The following YAF2 variants were observed in gnomAD, a reference collection of about 807,000 sequenced individuals.
YAF2 encodes YY1 associated factor 2, also known as YY1-associated factor 2.
A neutral mutation model predicts 20.1 loss-of-function variants in YAF2; 7 were observed. That is an observed-to-expected ratio of 0.35 (90% confidence interval 0.20 to 0.65). YAF2 has a LOEUF of 0.65. YAF2 is among the 30% of genes least tolerant of loss of function. The pLI is 0.69. For missense variants in YAF2, 151 were observed against 219.2 expected (o/e 0.69, Z 1.96); for synonymous variants, 74 against 76.0 (o/e 0.97, Z 0.14).
chr12:42,174,357 A>G lies in YAF2; in HGVS notation c.153-12592T>C, dbSNP rs577566414. On this transcript the variant is annotated intron_variant, in intron 2 of 3. Coordinates refer to ENST00000534854, the MANE Select transcript of YAF2 (RefSeq NM_005748.6). ...TTTCCAGCAACACTTCACTGAGTTT[A>G]TCACTCCTTCCCTTCCTGAAAAACT... Among the ~76,000 whole-genome samples the G allele has an allele frequency of 4.6e-5, 7 of 152,288 alleles. No homozygotes were observed. In the East Asian group the frequency reaches 1.4e-3, roughly 29 times the overall value.
chr12:42,174,032 ATAT>A (rs1383661141), intron 2 of YAF2, among the ~76,000 whole-genome samples: 3 of 151,802 alleles, frequency 2.0e-5, no homozygotes, highest in Admixed American at 2.0e-4. Context: ...TGCTTAAACA[ATAT>A]TTCCTTCTCT....
intron 2 of YAF2, among the ~76,000 whole-genome samples, chr12:42,166,899 T>C (rs1020127592): frequency 1.9e-4 from 29 of 152,002 alleles, no homozygotes; most frequent in African/African-American, 6.8e-4. Flanking sequence ...TCTGGGAAGA[T>C]GATAAAACAC....
At chr12:42,167,478 G>T (rs2065942589) in intron 2 of YAF2, among the ~76,000 whole-genome samples, 1 of 152,006 alleles carries the variant, frequency 6.6e-6, no homozygotes, top group African/African-American at 2.4e-5. Flanking sequence ...CTCAAGGAAA[G>T]AACAAAACAT....
chr12:42,209,323 G>T (rs1345697879), intron 2 of YAF2, among the ~76,000 whole-genome samples: 1 of 151,258 alleles, frequency 6.6e-6, no homozygotes, highest in African/African-American at 2.4e-5. Flanking sequence ...CAACACTTAG[G>T]GAGGCCAAGG....
intron 2 of YAF2, chr12:42,232,768 G>A: frequency 3.0e-6 from 3 of 985,162 alleles, no homozygotes; most frequent in South Asian, 4.7e-5. Context: ...ATGATAGTTG[G>A]TTTAAGCTTC....
intron 2 of YAF2, among the ~76,000 whole-genome samples, chr12:42,197,438 A>G (rs1408653183): frequency 6.6e-6 from 1 of 152,240 alleles, no homozygotes; most frequent in Non-Finnish European, 1.5e-5. Context: ...CAAGCCAGGA[A>G]CTTTATTGCT....
At chr12:42,224,726 A>G (rs939901067) in intron 2 of YAF2, among the ~76,000 whole-genome samples, 12 of 152,192 alleles carry the variant, frequency 7.9e-5, no homozygotes, top group Non-Finnish European at 1.8e-4. Context: ...TTACAGCTGC[A>G]TAGTATTCCA....
chr12:42,177,987 C>T (rs1358237230), intron 2 of YAF2, among the ~76,000 whole-genome samples: 1 of 152,018 alleles, frequency 6.6e-6, no homozygotes, highest in African/African-American at 2.4e-5. Flanking sequence ...TTTTCCTCTA[C>T]CAGAATAGAA....
In YAF2 at chr12:42,217,114, C is replaced by T. The variant is rs188672637; in HGVS notation, c.152+20485G>A. On this transcript the variant is annotated intron_variant, in intron 2 of 3. Transcript: ENST00000534854. Reference sequence around the variant, plus strand: ...ATTCAGCAAGAAAGTAAGCATGACACAAGAGAGAATAAAATCTGTCGGCTG... The same window carrying T: ...ATTCAGCAAGAAAGTAAGCATGACATAAGAGAGAATAAAATCTGTCGGCTG... 4.2e-3 allele frequency among the ~76,000 whole-genome samples: 644 copies of T among 152,286 alleles called. 4 individuals carry two copies. The highest frequency in any genetic ancestry group is 7.0e-3 in the Non-Finnish European group (478 of 68,030).
At chr12:42,216,243 T>C (rs983799246) in intron 2 of YAF2, among the ~76,000 whole-genome samples, 1 of 152,152 alleles carries the variant, frequency 6.6e-6, no homozygotes, top group African/African-American at 2.4e-5. Context: ...TATTGTAACA[T>C]GAAAAGCTGA....
intron 2 of YAF2, among the ~76,000 whole-genome samples, chr12:42,191,186 T>C (rs1282833701): frequency 1.3e-5 from 2 of 152,202 alleles, no homozygotes; most frequent in Admixed American, 6.5e-5. Flanking sequence ...CTCCCATTAC[T>C]GTCTCTCTCT....
intron 2 of YAF2, among the ~76,000 whole-genome samples, chr12:42,166,176 G>A (rs953966832): frequency 7.2e-5 from 11 of 152,212 alleles, no homozygotes; most frequent in African/African-American, 1.9e-4. Context: ...GCCTCCCAAA[G>A]TGCTGGGATT....
At chr12:42,225,796 T>C (rs1411562266) in intron 2 of YAF2, among the ~76,000 whole-genome samples, 1 of 152,232 alleles carries the variant, frequency 6.6e-6, no homozygotes, top group Non-Finnish European at 1.5e-5. Flanking sequence ...TGGTATAGTT[T>C]GAAGTCAGGT....
intron 2 of YAF2, among the ~76,000 whole-genome samples, chr12:42,210,119 G>T (rs928547008): frequency 6.6e-6 from 1 of 152,066 alleles, no homozygotes; most frequent in Non-Finnish European, 1.5e-5. Flanking sequence ...TAATTTTTTA[G>T]AAGCAGCTAT....
Position 42,202,371 on chromosome 12 carries a change from C to A in YAF2, c.152+35228G>T, listed in dbSNP as rs373854995. On this transcript the variant is annotated intron_variant, in intron 2 of 3. Coordinates refer to ENST00000534854, the MANE Select transcript of YAF2 (RefSeq NM_005748.6). ...TGTGTGTGATCCAGCTCAAGCCAAA[C>A]TATTAACATTCCTCATGCTCCAGGA... Among the ~76,000 whole-genome samples the A allele has an allele frequency of 3.3e-5, 5 of 152,344 alleles. No homozygotes were observed. The South Asian group carries it at 1.0e-3, about 32-fold the overall frequency.
intron 2 of YAF2, chr12:42,232,124 T>C (rs1649014324): frequency 6.6e-6 from 1 of 152,248 alleles, no homozygotes; most frequent in Admixed American, 6.5e-5. Context: ...TGTAATAAAA[T>C]TAGTAAATTT....
intron 2 of YAF2, among the ~76,000 whole-genome samples, chr12:42,165,906 GTCTATA>G (rs1347889545): frequency 1.4e-5 from 2 of 142,362 alleles, no homozygotes; most frequent in East Asian, 4.1e-4. Context: ...CTATCTATCT[GTCTATA>G]TCTATATCTA....
intron 2 of YAF2, among the ~76,000 whole-genome samples, chr12:42,165,646 T>A (rs2065896725): frequency 6.6e-6 from 1 of 151,290 alleles, no homozygotes; most frequent in Admixed American, 6.6e-5. Flanking sequence ...TTTTATTTTT[T>A]ATTTTTAATA....
intron 2 of YAF2, among the ~76,000 whole-genome samples, chr12:42,201,179 T>G (rs899858645): frequency 9.2e-5 from 14 of 152,208 alleles, no homozygotes; most frequent in African/African-American, 3.4e-4. Flanking sequence ...TTTTTCCAAA[T>G]GAATATCCAT....
Sources: allele counts gnomAD v4.1 joint callset (sites outside exome capture counted in the v4.1 genomes callset), GRCh38; gene constraint gnomAD v4.1.1; transcripts MANE v1.5; gene names NCBI Gene and HGNC (gene_info 2026-07-23, HGNC 2026-07-21).